The following ANAPC2 variants were observed in gnomAD, a reference collection of about 807,000 sequenced individuals.
ANAPC2 encodes the protein anaphase-promoting complex subunit 2.
ANAPC2 carries 29 observed loss-of-function variants against 84.3 expected under a neutral mutation model. The observed-to-expected ratio is 0.34, with a 90% confidence interval of 0.26 to 0.47. The LOEUF is 0.47. Ranked by LOEUF, ANAPC2 falls within the 20% of genes least tolerant of loss-of-function variation. The probability of loss-of-function intolerance (pLI) is 1.00; values close to 1 mark genes in which losing one functional copy is unlikely to be tolerated. For missense variants in ANAPC2, 857 were observed against 1,131.7 expected, an observed-to-expected ratio of 0.76 and a Z score of 3.48; for synonymous variants, 571 against 479.4, an observed-to-expected ratio of 1.19 and a Z score of -2.50.
In ANAPC2 at chr9:137,180,285, G is replaced by A; in HGVS notation, c.1786C>T (p.Leu596=). 1 of 1,613,680 alleles carries A rather than the reference G, an allele frequency of 6.2e-7. No individual in the cohort carries two copies. The highest frequency in any genetic ancestry group is 8.5e-7 in the Non-Finnish European group (1 of 1,180,040). The change falls in exon 10 of 13, where the codon CTG becomes TTG. Residue 596 remains leucine (L), a synonymous_variant. Coordinates refer to ENST00000323927, the MANE Select transcript of ANAPC2 (RefSeq NM_013366.4). ...AAGGGCGGCCAGAACTCACTGGACA[G>A]GATGACAGCGTAGACCCCGAACGGT... ...QPPFGVYAVI[L]SSEFWPPFKD...
rs751797577 is a variant in ANAPC2, at chr9:137,181,830, G to A, written c.1319C>T (p.Ala440Val). 2.5e-6 allele frequency: 4 copies of A among 1,608,160 alleles called. No homozygotes were observed. Among genetic ancestry groups the A allele is most frequent in the Non-Finnish European group, 3.4e-6 (4 of 1,179,874 alleles). The change falls in exon 7 of 13, where the codon GCT becomes GTT. Residue 440 changes from alanine to valine, a missense_variant. By Grantham distance (64) the Ala-to-Val change is moderately conservative (BLOSUM62 0). Transcript: ENST00000323927. ...TREDTVRQIV[A>V]GLTGDSDGTG... ...CCCGTCCGAGTCCCCCGTCAGCCCA[G>A]CCACAATCTGCCGCACTGTGTCCTC...
intron 4 of ANAPC2, among the ~76,000 whole-genome samples, chr9:137,184,485 C>T (rs1382649135): frequency 3.8e-5 from 5 of 130,274 alleles, no homozygotes; most frequent in Admixed American, 8.2e-5. Flanking sequence ...AGAGCAGACA[C>T]GGCGAAGGCA....
intron 1 of ANAPC2, 124 bp from the exon 2 acceptor site, chr9:137,188,227 G>T: frequency 7.2e-7 from 1 of 1,384,644 alleles, no homozygotes; most frequent in Non-Finnish European, 9.7e-7. Context: ...CTGCCCGGAC[G>T]TTGGGCCGAA....
chr9:137,183,552 C>T, intron 5 of ANAPC2, 120 bp downstream of exon 5: 3 of 1,421,042 alleles, frequency 2.1e-6, no homozygotes, highest in Non-Finnish European at 2.8e-6. Context: ...CTTCTCAACC[C>T]ATTTCTTCCT....
At chr9:137,175,641 G>T in intron 11 of ANAPC2, 67 bp downstream of exon 11, 1 of 1,555,660 alleles carries the variant, frequency 6.4e-7, no homozygotes, top group Non-Finnish European at 8.7e-7. Flanking sequence ...CCTCACTGGG[G>T]AACAGCCCCT....
chr9:137,186,299 G>C lies in ANAPC2; in HGVS notation c.798C>G (p.His266Gln). The change falls in exon 3 of 13, where the codon CAC becomes CAG. Residue 266 changes from histidine (H) to glutamine (Q), a missense_variant. This residue lies in a region of ANAPC2 where 428 missense variants were observed against 513.8 expected (regional missense o/e 0.83). Coordinates refer to ENST00000323927, the MANE Select transcript of ANAPC2 (RefSeq NM_013366.4). ...CCTCCATCCTCTCCCGGGTCACCTG[G>C]TGCAGGGTGGTGGTCACAGCCTCGG... Reference protein sequence around the residue: ...VSAEAVTTTLHQVTRERMEDR... With the variant: ...VSAEAVTTTLQQVTRERMEDR... 6.2e-7 allele frequency: 1 copy of C among 1,612,076 alleles called. No individual in the cohort carries two copies. Among genetic ancestry groups the C allele is most frequent in the Non-Finnish European group, 8.5e-7 (1 of 1,179,912 alleles).
intron 2 of ANAPC2, chr9:137,187,146 G>A (rs1834490680): frequency 3.2e-6 from 1 of 314,950 alleles, no homozygotes; most frequent in Admixed American, 4.5e-5. Flanking sequence ...TGTCGACGAG[G>A]GTGAGAATCA....
At chr9:137,177,425 G>A (rs1834246995) in intron 10 of ANAPC2, among the ~76,000 whole-genome samples, 1 of 152,216 alleles carries the variant, frequency 6.6e-6, no homozygotes, top group African/African-American at 2.4e-5. Flanking sequence ...CCCAGCTGGA[G>A]GAATGGCGCG....
Position 137,188,554 on chromosome 9 carries a change from T to G in ANAPC2, c.-22A>C. ...CCATCTGCACCCACCGACTCCGAGATTCGCTCGGCGCGGCGCGCGGCGATG... is the reference window on the plus strand; with the variant it reads ...CCATCTGCACCCACCGACTCCGAGAGTCGCTCGGCGCGGCGCGCGGCGATG... On this transcript the variant is annotated 5_prime_UTR_variant, in exon 1 of 13. Coordinates refer to ENST00000323927, the MANE Select transcript of ANAPC2 (RefSeq NM_013366.4). 6.3e-7 allele frequency: 1 copy of G among 1,596,528 alleles called. No individual in the cohort carries two copies. Among genetic ancestry groups the G allele is most frequent in the Non-Finnish European group, 8.5e-7 (1 of 1,174,710 alleles).
In ANAPC2 at chr9:137,180,417, G is replaced by A. The variant is rs374387269; in HGVS notation, c.1687-33C>T. ...GGAGCCGGTGTCACGGGGGACCTGC[G>A]GGGCGGCCGGGCAGCGGGCGGGGCT... On this transcript the variant is annotated intron_variant, in intron 9 of 12. Coordinates refer to ENST00000323927, the MANE Select transcript of ANAPC2 (RefSeq NM_013366.4). The A allele has an allele frequency of 7.8e-5, 126 of 1,612,478 alleles. No homozygotes were observed. The African/African-American group carries it at 1.2e-3, about 16-fold the overall frequency.
intron 3 of ANAPC2, among the ~76,000 whole-genome samples, chr9:137,185,749 A>G (rs543645828): frequency 3.3e-5 from 5 of 152,258 alleles, no homozygotes; most frequent in Non-Finnish European, 7.4e-5. Flanking sequence ...GGGAGCCCAG[A>G]GCAGAGCCCC....
chr9:137,182,701 C>T (rs1019703005), intron 6 of ANAPC2, among the ~76,000 whole-genome samples: 1 of 152,154 alleles, frequency 6.6e-6, no homozygotes, highest in African/African-American at 2.4e-5. Context: ...ATGTCAAGGT[C>T]CTCATCCCAA....
chr9:137,186,694 C>T (rs1834478135), intron 2 of ANAPC2: 4 of 328,042 alleles, frequency 1.2e-5, no homozygotes, highest in Admixed American at 8.7e-5. Flanking sequence ...TCTGAAACGA[C>T]AACCAACTGC....
intron 1 of ANAPC2, 113 bp downstream of exon 1, chr9:137,188,303 C>T: frequency 1.5e-6 from 2 of 1,335,218 alleles, no homozygotes; most frequent in African/African-American, 1.5e-5. Context: ...AATGGCAGGA[C>T]AGGACAGAGG....
intron 1 of ANAPC2, 97 bp downstream of exon 1, chr9:137,188,319 G>T: frequency 1.4e-6 from 2 of 1,385,096 alleles, no homozygotes; most frequent in Non-Finnish European, 2.0e-6. Context: ...AGAGGCGGAT[G>T]ATGGACAGAG....
chr9:137,185,121 G>A, intron 3 of ANAPC2, 34 bp from the exon 4 acceptor site: 2 of 1,491,352 alleles, frequency 1.3e-6, no homozygotes, highest in Non-Finnish European at 1.8e-6. Context: ...GCTGCAGGGA[G>A]GCATGGTGAG....
rs144698305 is a variant in ANAPC2, at chr9:137,188,327, G to A, written c.117+89C>T. 8.1e-4 allele frequency: 1,152 copies of A among 1,421,922 alleles called. 13 individuals are homozygous for A. The South Asian group carries it at 8.7e-3, about 11-fold the overall frequency. The allele number at this position is 1,421,922 out of a possible 1,614,324, so 88.1% of individuals were successfully genotyped here. On this transcript the variant is annotated intron_variant, in intron 1 of 12. Coordinates refer to ENST00000323927, the MANE Select transcript of ANAPC2 (RefSeq NM_013366.4). ...ACAGGACAGAGGCGGATGATGGACA[G>A]AGCCGTATGAACCCGAGGGTAGCGG... is the stretch of plus-strand genomic sequence containing the variant.
Position 137,174,911 on chromosome 9 carries a change from C to T in ANAPC2, c.*31G>A. The T allele has an allele frequency of 1.7e-6, 1 of 592,214 alleles. No individual in the cohort carries two copies. Among genetic ancestry groups the T allele is most frequent in the Non-Finnish European group, 2.4e-6 (1 of 411,010 alleles). 36.7% of individuals were successfully genotyped at this position (592,214 alleles called of 1,614,324 possible). ...GACGAGAGCACCTGCAGGGCAGCGC[C>T]TGGCGGGCGGGCGGGCGGGCGGGCG... On this transcript the variant is annotated 3_prime_UTR_variant, in exon 13 of 13. Coordinates refer to ENST00000323927, the MANE Select transcript of ANAPC2 (RefSeq NM_013366.4). This position sits in a 1 kb window ranked among gnomAD's most constrained non-coding sequence, Gnocchi z 6.1.
intron 10 of ANAPC2, among the ~76,000 whole-genome samples, chr9:137,179,814 C>T (rs1032783614): frequency 6.6e-6 from 1 of 152,218 alleles, no homozygotes; most frequent in East Asian, 1.9e-4. Flanking sequence ...CGCAAGGCAC[C>T]CCAAGCCCCG....
Sources: allele counts gnomAD v4.1 joint callset (sites outside exome capture counted in the v4.1 genomes callset), GRCh38; gene constraint gnomAD v4.1.1; regional missense constraint gnomAD v4.1.1; non-coding constraint Gnocchi (gnomAD v3.1); transcripts MANE v1.5; gene names NCBI Gene and HGNC (gene_info 2026-07-23, HGNC 2026-07-21).